FEM1C: variants seen among roughly 807,000 people sequenced by gnomAD.
FEM1C encodes the protein fem-1 homolog C.
FEM1C carries 15 observed loss-of-function variants against 37.6 expected under a neutral mutation model. The ratio of observed to expected loss-of-function variants is 0.40; its 90% CI spans 0.27 to 0.61. The LOEUF (loss-of-function observed/expected upper bound fraction) is 0.61, where lower values mean the gene tolerates loss of function less well. Among genes scored for constraint, FEM1C ranks in the 20% least tolerant of loss-of-function variants. FEM1C has a pLI of 0.42. For missense variants in FEM1C, 532 were observed against 749.7 expected (o/e 0.71, Z 3.39); for synonymous variants, 287 against 272.8 (o/e 1.05, Z -0.51).
chr5:115,527,555 C>G (rs145071838), intron 2 of FEM1C, among the ~76,000 whole-genome samples: 93 of 152,214 alleles, frequency 6.1e-4, no homozygotes, highest in Non-Finnish European at 1.2e-3. Flanking sequence ...GACTACTACA[C>G]CAAGTATATT....
intron 1 of FEM1C, chr5:115,544,247 C>T (rs1039164573): frequency 1.3e-5 from 12 of 891,754 alleles, no homozygotes; most frequent in Non-Finnish European, 1.6e-5. Flanking sequence ...TCGCCCGCCC[C>T]ATTTCGATCA....
At chr5:115,527,110 C>T (rs1486818524) in intron 2 of FEM1C, among the ~76,000 whole-genome samples, 1 of 152,084 alleles carries the variant, frequency 6.6e-6, no homozygotes, top group African/African-American at 2.4e-5. Context: ...TTTCTCTACA[C>T]TTCACCTGCG....
At chr5:115,541,706 C>G (rs550716839) in intron 2 of FEM1C, among the ~76,000 whole-genome samples, 2 of 152,192 alleles carry the variant, frequency 1.3e-5, no homozygotes, top group East Asian at 3.9e-4. Flanking sequence ...CAATGAAATA[C>G]TGTATAGCCA....
intron 2 of FEM1C, among the ~76,000 whole-genome samples, chr5:115,537,977 A>G (rs1310765617): frequency 6.6e-6 from 1 of 152,058 alleles, no homozygotes; most frequent in Non-Finnish European, 1.5e-5. Context: ...GGGGAATTAA[A>G]TAAGATTTTT....
chr5:115,527,959 C>CCA (rs1753933168), intron 2 of FEM1C, among the ~76,000 whole-genome samples: 1 of 147,344 alleles, frequency 6.8e-6, no homozygotes, highest in African/African-American at 2.5e-5. Flanking sequence ...AGAGATCATG[C>CCA]CACTGCACTC....
chr5:115,540,964 G>A (rs1046325731), intron 2 of FEM1C, among the ~76,000 whole-genome samples: 8 of 151,938 alleles, frequency 5.3e-5, no homozygotes, highest in African/African-American at 1.4e-4. Context: ...CTTAAAACAA[G>A]CATTCTTCAA....
At chr5:115,538,825 C>G (rs890575574) in intron 2 of FEM1C, among the ~76,000 whole-genome samples, 1 of 151,934 alleles carries the variant, frequency 6.6e-6, no homozygotes, top group Non-Finnish European at 1.5e-5. Context: ...TTTCCTAAAC[C>G]TTCAAAACTG....
At chr5:115,544,208 G>A (rs751593649) in intron 1 of FEM1C, 107 of 982,776 alleles carry the variant, frequency 1.1e-4, no homozygotes, top group Admixed American at 1.2e-4. Flanking sequence ...CGGCTCTCAG[G>A]AAATCCGCCT....
At chr5:115,531,168 G>A (rs1221212525) in intron 2 of FEM1C, among the ~76,000 whole-genome samples, 1 of 152,004 alleles carries the variant, frequency 6.6e-6, no homozygotes, top group East Asian at 1.9e-4. Context: ...CATTTCTAAG[G>A]TCATATTTTA....
rs931383426 is a variant in FEM1C, at chr5:115,521,563, T to C, written c.*2745A>G. 2 of 151,790 alleles carry C rather than the reference T, an allele frequency of 1.3e-5. No individual in the cohort carries two copies. Among genetic ancestry groups the C allele is most frequent in the African/African-American group, 2.4e-5 (1 of 41,384 alleles). 9.4% of individuals were successfully genotyped at this position (151,790 alleles called of 1,614,324 possible). On this transcript the variant is annotated 3_prime_UTR_variant, in exon 3 of 3. Transcript: ENST00000274457. ...CTAAGTAAAATGACCATTTCTTTTA[T>C]AGAAATGATCAAAACAGTGGAACAT... is the stretch of plus-strand genomic sequence containing the variant.
At position 115,523,060 on chromosome 5, in the gene FEM1C, T is replaced by G. The variant is rs1241370928; in HGVS notation, c.*1248A>C. 1 of 152,256 alleles carries G rather than the reference T, an allele frequency of 6.6e-6. No homozygotes were observed. Among genetic ancestry groups the G allele is most frequent in the Non-Finnish European group, 1.5e-5 (1 of 67,926 alleles). The allele number at this position is 152,256 out of a possible 1,614,324, so 9.4% of individuals were successfully genotyped here. On this transcript the variant is annotated 3_prime_UTR_variant, in exon 3 of 3. Transcript: ENST00000274457. ...GAACAGGAAGCACTGCAACCTTTCA[T>G]GTTTAACTGGGGTGACAAATAATTG...
In FEM1C at chr5:115,525,625, A is replaced by G. The variant is rs766094540; in HGVS notation, c.545-8T>C. On this transcript the variant is annotated splice_polypyrimidine_tract_variant and splice_region_variant and intron_variant, in intron 2 of 2. Coordinates refer to ENST00000274457, the MANE Select transcript of FEM1C (RefSeq NM_020177.3). Reference sequence around the variant, plus strand: ...CATGCAATGCAGTATTACCTTAAAGAGAGAGAGAAAAAAAGAAATAACATA... The same window carrying G: ...CATGCAATGCAGTATTACCTTAAAGGGAGAGAGAAAAAAAGAAATAACATA... The G allele has an allele frequency of 5.0e-6, 8 of 1,597,742 alleles. 1 individual carries two copies. In the East Asian group the frequency reaches 1.3e-4, roughly 27 times the overall value.
intron 2 of FEM1C, among the ~76,000 whole-genome samples, chr5:115,529,025 C>A (rs1405890157): frequency 6.6e-6 from 1 of 151,810 alleles, no homozygotes; most frequent in Non-Finnish European, 1.5e-5. Flanking sequence ...GGTAAAAGAA[C>A]AGAAAAGATG....
chr5:115,524,154 A>G lies in FEM1C; in HGVS notation c.*154T>C, dbSNP rs183076023. The stretch of plus-strand genomic sequence containing the variant: ...ATTTATATTAAATATTGGGAAACCA[A>G]TGTTGTAAATTTGATGCTTATAATG... On this transcript the variant is annotated 3_prime_UTR_variant, in exon 3 of 3. Transcript: ENST00000274457. 262 of 601,830 alleles carry G rather than the reference A, an allele frequency of 4.4e-4. 2 individuals carry two copies. In the South Asian group the frequency reaches 5.4e-3, roughly 12 times the overall value. 37.3% of individuals were successfully genotyped at this position (601,830 alleles called of 1,614,324 possible).
rs1753839423 is a variant in FEM1C at position 115,524,395 on chromosome 5, A to G, written c.1767T>C (p.Leu589=). The change falls in exon 3 of 3, where the codon CTT becomes CTC. Residue 589 remains leucine (L), a synonymous_variant. Coordinates refer to ENST00000274457, the MANE Select transcript of FEM1C (RefSeq NM_020177.3). ...TATGATTCACTATGACACGAGCAGC[A>G]AGACACTGCAATGTGGTATGATTTA... is the stretch of plus-strand genomic sequence containing the variant. ...QPINHTTLQC[L]AARVIVNHRI... is the part of the protein sequence containing the mutation. The G allele has an allele frequency of 3.1e-6, 5 of 1,613,592 alleles. No homozygotes were observed. The highest frequency in any genetic ancestry group is 4.2e-6 in the Non-Finnish European group (5 of 1,179,692).
chr5:115,540,756 C>G (rs1754225040), intron 2 of FEM1C, among the ~76,000 whole-genome samples: 1 of 152,042 alleles, frequency 6.6e-6, no homozygotes, highest in African/African-American at 2.4e-5. Context: ...AATACCAGTT[C>G]TCATCTCTCC....
At chr5:115,532,547 A>G (rs1433443572) in intron 2 of FEM1C, among the ~76,000 whole-genome samples, 2 of 152,044 alleles carry the variant, frequency 1.3e-5, no homozygotes, top group African/African-American at 4.8e-5. Context: ...AGGGGAAAAA[A>G]AAAAGGCATG....
In FEM1C at chr5:115,522,289, G is replaced by A. The variant is rs1487277247; in HGVS notation, c.*2019C>T. ...ATATAATTCTTATACCACAAAGTTA[G>A]AGGCAGATGATTTCAAGATACTGAC... On this transcript the variant is annotated 3_prime_UTR_variant, in exon 3 of 3. Transcript: ENST00000274457. The A allele has an allele frequency of 2.6e-5, 4 of 151,840 alleles. No individual in the cohort carries two copies. The highest frequency in any genetic ancestry group is 5.9e-5 in the Non-Finnish European group (4 of 67,850). 9.4% of individuals were successfully genotyped at this position (151,840 alleles called of 1,614,324 possible). A position where few individuals can be genotyped will look rare whatever the true frequency, so the allele number is the denominator to read the frequency against.
In FEM1C at chr5:115,543,357, A is replaced by C; in HGVS notation, c.137T>G (p.Leu46Trp). Reference protein sequence around the residue: ...SEKTNGATPLLMAARYGHLDM... With the variant: ...SEKTNGATPLWMAARYGHLDM... ...AAGGTGCCCATACCTGGCGGCCATC[A>C]AGAGTGGCGTGGCCCCATTTGTTTT... The change falls in exon 2 of 3, where the codon TTG (leucine) becomes TGG (tryptophan). Residue 46 changes from leucine (L) to tryptophan (W), a missense_variant. Leu to Trp is a moderately conservative substitution (Grantham distance 61). Coordinates refer to ENST00000274457, the MANE Select transcript of FEM1C (RefSeq NM_020177.3). 6.2e-7 allele frequency: 1 copy of C among 1,614,222 alleles called. No individual in the cohort carries two copies. Among genetic ancestry groups the C allele is most frequent in the Non-Finnish European group, 8.5e-7 (1 of 1,180,036 alleles).
Sources: gnomAD v4.1 joint callset for allele counts (sites outside exome capture counted in the v4.1 genomes callset) on GRCh38, gnomAD v4.1.1 for gene constraint, MANE v1.5 for transcripts, NCBI Gene and HGNC (gene_info 2026-07-23, HGNC 2026-07-21) for gene names.